ATL2: variants seen among roughly 807,000 people sequenced by gnomAD.
ATL2 encodes the protein atlastin-2.
A neutral mutation model predicts 73.9 loss-of-function variants in ATL2; 31 were observed. The observed-to-expected ratio is 0.42, with a 90% CI of 0.32 to 0.57. The LOEUF (loss-of-function observed/expected upper bound fraction) is 0.57. Among genes scored for constraint, ATL2 ranks in the 20% least tolerant of loss-of-function variants. ATL2 has a pLI of 0.14. For missense variants in ATL2, 738 were observed against 702.6 expected, an observed-to-expected ratio of 1.05 and a Z score of -0.57; for synonymous variants, 291 against 237.5, an observed-to-expected ratio of 1.23 and a Z score of -2.07.
intron 2 of ATL2, among the ~76,000 whole-genome samples, chr2:38,327,471 A>G (rs2148454479): frequency 6.6e-6 from 1 of 151,820 alleles, no homozygotes; most frequent in African/African-American, 2.4e-5. Flanking sequence ...CAGAAAACGC[A>G]ATCAAGTAAA....
chr2:38,295,997 G>C lies in ATL2; in HGVS notation c.1749C>G (p.Asp583Glu), dbSNP rs1321021307. The C allele has an allele frequency of 1.9e-6, 3 of 1,545,784 alleles. No homozygotes were observed. The highest frequency in any genetic ancestry group is 2.6e-6 in the Non-Finnish European group (3 of 1,141,808). ...QVSHHARLKT[D>E] ...GAGTCCGTGAGGAGATGAACTGTCA[G>C]TCTGTCTTTAATCTGGCATGATGAG... Residue 583 changes from aspartate to glutamate, a missense_variant, in exon 13 of 13, where the codon GAC (aspartate) becomes GAG (glutamate). Physicochemically the swap from Asp to Glu is conservative, Grantham distance 45. Coordinates refer to ENST00000378954, the MANE Select transcript of ATL2 (RefSeq NM_001135673.4).
intron 12 of ATL2, among the ~76,000 whole-genome samples, chr2:38,297,024 A>G (rs940156790): frequency 5.3e-5 from 8 of 152,238 alleles, no homozygotes; most frequent in Non-Finnish European, 1.2e-4. Context: ...CTATTAGAAG[A>G]TATCAAAGAA....
intron 1 of ATL2, among the ~76,000 whole-genome samples, chr2:38,353,733 G>A (rs1294603444): frequency 7.9e-5 from 12 of 152,190 alleles, no homozygotes; most frequent in Non-Finnish European, 1.3e-4. Context: ...ATTATACAGA[G>A]CAGAATAATT....
intron 2 of ATL2, among the ~76,000 whole-genome samples, chr2:38,331,437 GAA>G (rs34238912): frequency 0.17 from 13,878 of 80,204 alleles, 1,606 homozygotes; most frequent in African/African-American, 0.41. Context: ...TCTGTCTCAA[GAA>G]AAAAAAAAAA....
intron 1 of ATL2, among the ~76,000 whole-genome samples, chr2:38,365,464 T>C (rs2124480666): frequency 6.6e-6 from 1 of 151,968 alleles, no homozygotes; most frequent in Non-Finnish European, 1.5e-5. Context: ...AGGCCAGCCT[T>C]GGCAACATGG....
At chr2:38,342,464 A>C (rs539800985) in intron 2 of ATL2, among the ~76,000 whole-genome samples, 5 of 152,344 alleles carry the variant, frequency 3.3e-5, no homozygotes, top group Admixed American at 1.3e-4. Flanking sequence ...TTGAGGAAAA[A>C]ACATGGCATA....
intron 2 of ATL2, among the ~76,000 whole-genome samples, chr2:38,335,958 C>T (rs1282139216): frequency 6.6e-6 from 1 of 152,010 alleles, no homozygotes; most frequent in African/African-American, 2.4e-5. Flanking sequence ...ACGTGGGAGG[C>T]GGAGCTTGCA....
Position 38,309,370 on chromosome 2 carries a change from C to G in ATL2, c.1071+9G>C, listed in dbSNP as rs1429311741. On this transcript the variant is annotated intron_variant, in intron 9 of 12. Transcript: ENST00000378954. ...TATCTTAGACAAAACTGTTTAAGAG[C>G]TCACCTACCTTAAAATATTCTACAA... 1 of 1,598,768 alleles carries G rather than the reference C, an allele frequency of 6.3e-7. No individual in the cohort carries two copies. Among genetic ancestry groups the G allele is most frequent in the Non-Finnish European group, 8.5e-7 (1 of 1,177,008 alleles).
intron 9 of ATL2, 104 bp downstream of exon 9, chr2:38,309,275 C>CTTTTTT: frequency 8.9e-7 from 1 of 1,127,516 alleles, no homozygotes. Context: ...AAATCTTACT[C>CTTTTTT]TTTTTTGTTT....
chr2:38,334,497 T>C (rs973373595), intron 2 of ATL2, among the ~76,000 whole-genome samples: 1 of 150,616 alleles, frequency 6.6e-6, no homozygotes, highest in African/African-American at 2.4e-5. Flanking sequence ...AGGCCAGGAG[T>C]TCAAGACCAG....
intron 1 of ATL2, among the ~76,000 whole-genome samples, chr2:38,351,622 T>C (rs938079455): frequency 6.6e-6 from 1 of 151,468 alleles, no homozygotes; most frequent in South Asian, 2.1e-4. Context: ...GCCTCCAGAG[T>C]AGCTGGGACA....
rs183572962 is a variant in ATL2 at position 38,351,010 on chromosome 2, C to T, written c.119-7498G>A. ...AATGTTAGATTACATCAACCCAAAA[C>T]TAAACTTATAAAAAGAGAACAAAGA... is the stretch of plus-strand genomic sequence containing the variant. On this transcript the variant is annotated intron_variant, in intron 1 of 12. Transcript: ENST00000378954. Among the ~76,000 whole-genome samples, 260 of 152,192 alleles carry T rather than the reference C, an allele frequency of 1.7e-3. 3 individuals carry two copies. The highest frequency in any genetic ancestry group is 6.1e-3 in the African/African-American group (253 of 41,524).
intron 9 of ATL2, among the ~76,000 whole-genome samples, chr2:38,301,834 G>A: frequency 6.6e-6 from 1 of 152,194 alleles, no homozygotes; most frequent in African/African-American, 2.4e-5. Context: ...ATATGATATA[G>A]TAAGACTCCA....
At chr2:38,348,205 G>A (rs1029225317) in intron 1 of ATL2, among the ~76,000 whole-genome samples, 5 of 151,986 alleles carry the variant, frequency 3.3e-5, no homozygotes, top group South Asian at 2.1e-4. Flanking sequence ...GGTGGCTCAC[G>A]CCTGTAATCC....
upstream of ATL2, chr2:38,377,341 G>C: frequency 1.6e-6 from 2 of 1,288,078 alleles, no homozygotes; most frequent in Non-Finnish European, 2.1e-6. Context: ...CCGGCGGGGT[G>C]GCCGGCGGGT....
intron 1 of ATL2, among the ~76,000 whole-genome samples, chr2:38,348,360 G>A (rs947460639): frequency 2.1e-4 from 32 of 151,934 alleles, no homozygotes; most frequent in African/African-American, 7.5e-4. Flanking sequence ...CAGATACTCA[G>A]GAGGCTGAGG....
intron 4 of ATL2, among the ~76,000 whole-genome samples, 189 bp from the exon 5 acceptor site, chr2:38,315,523 A>C (rs1190824218): frequency 6.6e-6 from 1 of 152,182 alleles, no homozygotes; most frequent in African/African-American, 2.4e-5. Context: ...AAGATAGAAT[A>C]TTAAGGAAGA....
chr2:38,361,893 A>C (rs1227864240), intron 1 of ATL2, among the ~76,000 whole-genome samples: 1 of 152,190 alleles, frequency 6.6e-6, no homozygotes, highest in Non-Finnish European at 1.5e-5. Flanking sequence ...AAAATTATTT[A>C]AGATTCTACA....
intron 6 of ATL2, among the ~76,000 whole-genome samples, chr2:38,313,471 TAAAG>T (rs1272590417): frequency 7.2e-5 from 11 of 151,966 alleles, no homozygotes; most frequent in Non-Finnish European, 1.5e-4. Context: ...TCACTAAATA[TAAAG>T]AAAGAGTCAC....
Sources: gnomAD v4.1 joint callset for allele counts (sites outside exome capture counted in the v4.1 genomes callset) on GRCh38, gnomAD v4.1.1 for gene constraint, MANE v1.5 for transcripts, NCBI Gene and HGNC (gene_info 2026-07-23, HGNC 2026-07-21) for gene names.